CORO2A: variants seen among roughly 807,000 people sequenced by gnomAD.
CORO2A encodes coronin 2A.
In CORO2A, 47 loss-of-function variants were observed where a neutral mutation model predicts 62.4. That is an observed-to-expected ratio of 0.75 (90% CI 0.60 to 0.96). The LOEUF is 0.96. Ranked by LOEUF, CORO2A falls within the 40% of genes least tolerant of loss-of-function variation. The pLI is 0.00. For missense variants in CORO2A, 610 were observed against 684.1 expected (o/e 0.89, Z 1.21); for synonymous variants, 273 against 268.9 (o/e 1.02, Z -0.15).
chr9:98,134,235 T>C (rs969971092), intron 4 of CORO2A, among the ~76,000 whole-genome samples: 4 of 152,188 alleles, frequency 2.6e-5, no homozygotes, highest in Non-Finnish European at 4.4e-5. Flanking sequence ...GGTCAGAGAC[T>C]GAGTCGGAAT....
intron 2 of CORO2A, among the ~76,000 whole-genome samples, chr9:98,155,867 C>T (rs1381905728): frequency 2.6e-5 from 4 of 151,844 alleles, no homozygotes; most frequent in Admixed American, 1.3e-4. Context: ...GCTTTTTGTA[C>T]CCTTTCTCTT....
intron 2 of CORO2A, among the ~76,000 whole-genome samples, chr9:98,141,506 C>A (rs1459784321): frequency 6.6e-6 from 1 of 152,182 alleles, no homozygotes; most frequent in Admixed American, 6.5e-5. Context: ...GTGCGTGCCA[C>A]CACACCCAGC....
At chr9:98,156,836 G>C (rs767413864) in intron 2 of CORO2A, among the ~76,000 whole-genome samples, 4 of 152,164 alleles carry the variant, frequency 2.6e-5, no homozygotes, top group Non-Finnish European at 5.9e-5. Context: ...GTCAGTTTCT[G>C]CTGTGAGCCA....
intron 1 of CORO2A, among the ~76,000 whole-genome samples, chr9:98,167,712 G>A (rs1827980711): frequency 6.6e-6 from 1 of 152,222 alleles, no homozygotes; most frequent in Admixed American, 6.5e-5. Flanking sequence ...AAGAATTGTT[G>A]TCATTAGGTG....
chr9:98,179,393 C>T (rs1339076001), intron 1 of CORO2A, among the ~76,000 whole-genome samples: 2 of 152,196 alleles, frequency 1.3e-5, no homozygotes, highest in East Asian at 1.9e-4. Flanking sequence ...TCTCATGAAG[C>T]AATGACCTGC....
At chr9:98,182,907 G>A (rs1213476803) in intron 1 of CORO2A, among the ~76,000 whole-genome samples, 2 of 152,162 alleles carry the variant, frequency 1.3e-5, no homozygotes, top group African/African-American at 2.4e-5. Context: ...CTAAAATAAG[G>A]GTACATCTCA....
In CORO2A at chr9:98,121,990, C is replaced by T. The variant is rs1315077552; in HGVS notation, c.*2784G>A. The T allele has an allele frequency of 6.6e-6, 1 of 152,058 alleles. No homozygotes were observed. Among genetic ancestry groups the T allele is most frequent in the African/African-American group, 2.4e-5 (1 of 41,384 alleles). The allele number at this position is 152,058 out of a possible 1,614,324, so 9.4% of individuals were successfully genotyped here. A position where few individuals can be genotyped will look rare whatever the true frequency, so the allele number is the denominator to read the frequency against. On this transcript the variant is annotated 3_prime_UTR_variant, in exon 12 of 12. Transcript: ENST00000375077. ...TAAATGGAGAATAAGACAAGGAACA[C>T]GAGCATCCGGCCTGTGCAGACATAC...
intron 2 of CORO2A, among the ~76,000 whole-genome samples, chr9:98,143,815 A>G (rs1434275185): frequency 6.6e-6 from 1 of 152,212 alleles, no homozygotes; most frequent in Non-Finnish European, 1.5e-5. Context: ...GGCTCCAGGC[A>G]TGCCCTCCAT....
chr9:98,184,584 C>G (rs942846754), intron 1 of CORO2A, among the ~76,000 whole-genome samples: 2 of 152,284 alleles, frequency 1.3e-5, no homozygotes, highest in Non-Finnish European at 2.9e-5. Context: ...TCCTCTATCC[C>G]TATCCCTGGC....
At chr9:98,137,469 G>A (rs1315684788) in intron 3 of CORO2A, 103 bp downstream of exon 3, 10 of 911,982 alleles carry the variant, frequency 1.1e-5, no homozygotes, top group Admixed American at 1.8e-5. Context: ...TCACCTCCGC[G>A]ATGGAGTCAG....
intron 2 of CORO2A, among the ~76,000 whole-genome samples, chr9:98,149,571 G>C (rs553881617): frequency 2.0e-5 from 3 of 152,238 alleles, no homozygotes; most frequent in Admixed American, 6.5e-5. Flanking sequence ...GACAGTGAAG[G>C]GGGGATCAGG....
chr9:98,181,268 T>C (rs1828173083), intron 1 of CORO2A, among the ~76,000 whole-genome samples: 1 of 151,040 alleles, frequency 6.6e-6, no homozygotes. Context: ...CTTCTTCTTG[T>C]ACCCAATGCC....
At chr9:98,153,005 C>G (rs773416667) in intron 2 of CORO2A, among the ~76,000 whole-genome samples, 13 of 152,166 alleles carry the variant, frequency 8.5e-5, no homozygotes, top group Non-Finnish European at 1.6e-4. Context: ...TGTTAAATTT[C>G]TAGGATGTGG....
chr9:98,166,554 G>C (rs1251666227), intron 1 of CORO2A, among the ~76,000 whole-genome samples: 1 of 152,200 alleles, frequency 6.6e-6, no homozygotes, highest in Non-Finnish European at 1.5e-5. Flanking sequence ...ATCTGATTTA[G>C]TGCACTGTTG....
At chr9:98,167,021 T>G (rs1827970299) in intron 1 of CORO2A, among the ~76,000 whole-genome samples, 1 of 151,102 alleles carries the variant, frequency 6.6e-6, no homozygotes, top group African/African-American at 2.4e-5. Context: ...GGAGGATCAC[T>G]TGAGCTCAGG....
At chr9:98,185,232 G>A (rs1448137537) in intron 1 of CORO2A, among the ~76,000 whole-genome samples, 3 of 152,196 alleles carry the variant, frequency 2.0e-5, no homozygotes, top group African/African-American at 4.8e-5. Flanking sequence ...GCTTCCCTAT[G>A]ATAACTGTAG....
intron 1 of CORO2A, among the ~76,000 whole-genome samples, chr9:98,181,701 G>A (rs1321439748): frequency 6.6e-6 from 1 of 151,992 alleles, no homozygotes; most frequent in African/African-American, 2.4e-5. Context: ...CTCCTATGCA[G>A]CGTGCCTCCC....
At chr9:98,153,839 G>C (rs1827763522) in intron 2 of CORO2A, among the ~76,000 whole-genome samples, 1 of 152,094 alleles carries the variant, frequency 6.6e-6, no homozygotes, top group South Asian at 2.1e-4. Flanking sequence ...GTTTACTATA[G>C]GTCAGTGAAA....
chr9:98,171,563 C>T (rs1225471780), intron 1 of CORO2A, among the ~76,000 whole-genome samples: 3 of 152,170 alleles, frequency 2.0e-5, no homozygotes, highest in African/African-American at 4.8e-5. Context: ...CTAAAGCCAG[C>T]GCTGCAAGTT....
Sources: allele counts gnomAD v4.1 joint callset (sites outside exome capture counted in the v4.1 genomes callset), GRCh38; gene constraint gnomAD v4.1.1; transcripts MANE v1.5; gene names NCBI Gene and HGNC (gene_info 2026-07-23, HGNC 2026-07-21).